INPP5A: variants seen among roughly 807,000 people sequenced by gnomAD.
The protein encoded by INPP5A is inositol polyphosphate-5-phosphatase A, also known as 43 kDa inositol polyphosphate 5-phophatase.
Under a neutral mutation model 65.2 loss-of-function variants are expected in INPP5A, and 14 were observed. The ratio of observed to expected loss-of-function variants is 0.21; its 90% CI spans 0.14 to 0.34. INPP5A has a LOEUF of 0.34. Among genes scored for constraint, INPP5A ranks in the 10% least tolerant of loss-of-function variants. The pLI is 1.00. For missense variants in INPP5A, 431 were observed against 545.6 expected, an observed-to-expected ratio of 0.79 and a Z score of 2.09; for synonymous variants, 207 against 208.3, an observed-to-expected ratio of 0.99 and a Z score of 0.05.
At chr10:132,605,865 C>A (rs1249145981) in intron 1 of INPP5A, among the ~76,000 whole-genome samples, 1 of 152,328 alleles carries the variant, frequency 6.6e-6, no homozygotes, top group Non-Finnish European at 1.5e-5. Flanking sequence ...TATTTCACAG[C>A]CTTTGAGTGC....
At position 132,603,310 on chromosome 10, in the gene INPP5A, A is replaced by G. The variant is rs1238991274; in HGVS notation, c.76-4605A>G. The stretch of plus-strand genomic sequence containing the variant: ...TAGTACTTCTCACTAAAATGGAATC[A>G]TTTTATAAGGTCTGTTTCTCCCTTC... On this transcript the variant is annotated intron_variant, in intron 1 of 15. Transcript: ENST00000368594. The surrounding 1 kb of genome is among the most constrained non-coding windows in gnomAD (Gnocchi z 4.2). 6.6e-6 allele frequency among the ~76,000 whole-genome samples: 1 copy of G among 152,184 alleles called. No homozygotes were observed. The highest frequency in any genetic ancestry group is 2.4e-5 in the African/African-American group (1 of 41,438).
intron 4 of INPP5A, among the ~76,000 whole-genome samples, chr10:132,690,190 C>T (rs1379968393): frequency 6.6e-6 from 1 of 152,260 alleles, no homozygotes; most frequent in Non-Finnish European, 1.5e-5. Context: ...CACGGCTCAC[C>T]GCATGCCTGG....
chr10:132,667,012 A>T lies in INPP5A; in HGVS notation c.306+16507A>T, dbSNP rs1043148386. On this transcript the variant is annotated intron_variant, in intron 4 of 15. Transcript: ENST00000368594. ...ACCCCCTCTGCCACCTGGGACAAAAAAATGGCAGGGTCCTGCTGGATGCCG... is the reference window on the plus strand; with the variant it reads ...ACCCCCTCTGCCACCTGGGACAAAATAATGGCAGGGTCCTGCTGGATGCCG... 5.3e-5 allele frequency among the ~76,000 whole-genome samples: 8 copies of T among 152,352 alleles called. No homozygotes were observed. In the East Asian group the frequency reaches 1.5e-3, roughly 29 times the overall value.
chr10:132,724,029 G>A (rs1056310044), intron 8 of INPP5A, among the ~76,000 whole-genome samples: 2 of 152,188 alleles, frequency 1.3e-5, no homozygotes, highest in Admixed American at 1.3e-4. Flanking sequence ...CAAGACTTTC[G>A]TGGGCTTTGC....
chr10:132,557,365 G>A lies in INPP5A; in HGVS notation c.75+19194G>A, dbSNP rs147506342. ...GCAGCAGTGCCCTCCTGCAGCACGC[G>A]GGCACCTGGCCTGTGCCACACCTGC... is the stretch of plus-strand genomic sequence containing the variant. On this transcript the variant is annotated intron_variant, in intron 1 of 15. Coordinates refer to ENST00000368594, the MANE Select transcript of INPP5A (RefSeq NM_005539.5). Among the ~76,000 whole-genome samples, 1,425 of 152,354 alleles carry A rather than the reference G, an allele frequency of 9.4e-3. 14 individuals are homozygous for A. Among genetic ancestry groups the A allele is most frequent in the East Asian group, 0.033 (171 of 5,172 alleles).
At chr10:132,624,535 T>C (rs1379799172) in intron 2 of INPP5A, among the ~76,000 whole-genome samples, 1 of 152,040 alleles carries the variant, frequency 6.6e-6, no homozygotes, top group Non-Finnish European at 1.5e-5. Context: ...TGTCTGCACT[T>C]CCCACTGGCG....
chr10:132,726,742 C>T (rs1845992047), intron 8 of INPP5A, 79 bp from the exon 9 acceptor site: 7 of 941,082 alleles, frequency 7.4e-6, no homozygotes, highest in Admixed American at 2.0e-5. Context: ...GGATGGGGAG[C>T]GTGGAGGAGC....
chr10:132,580,731 C>T (rs1050764737), intron 1 of INPP5A, among the ~76,000 whole-genome samples: 1 of 152,218 alleles, frequency 6.6e-6, no homozygotes, highest in Non-Finnish European at 1.5e-5. Context: ...CACTTAGATT[C>T]TATCATTAAT....
intron 1 of INPP5A, among the ~76,000 whole-genome samples, chr10:132,592,018 G>A (rs115174481): frequency 1.1e-3 from 175 of 152,296 alleles, no homozygotes; most frequent in African/African-American, 3.8e-3. Flanking sequence ...GGTATTCAGC[G>A]TTGTTGCTAT....
chr10:132,566,279 C>G (rs2071274003), intron 1 of INPP5A, among the ~76,000 whole-genome samples: 1 of 152,204 alleles, frequency 6.6e-6, no homozygotes, highest in South Asian at 2.1e-4. Flanking sequence ...GTCAAAGTTG[C>G]TGTCCCAAAA....
chr10:132,663,650 T>A lies in INPP5A; in HGVS notation c.306+13145T>A, dbSNP rs2072765220. Among the ~76,000 whole-genome samples, 1 of 152,260 alleles carries A rather than the reference T, an allele frequency of 6.6e-6. No homozygotes were observed. Among genetic ancestry groups the A allele is most frequent in the Admixed American group, 6.5e-5 (1 of 15,284 alleles). The stretch of plus-strand genomic sequence containing the variant: ...ACTCTGAGCCGGCAGGTGCCACTTC[T>A]AGCTTCTGGCTGGGGTTGGTTTGCA... On this transcript the variant is annotated intron_variant, in intron 4 of 15. Coordinates refer to ENST00000368594, the MANE Select transcript of INPP5A (RefSeq NM_005539.5). This position sits in a 1 kb window ranked among gnomAD's most constrained non-coding sequence, Gnocchi z 4.5.
chr10:132,701,661 G>T (rs1205533835), intron 6 of INPP5A, among the ~76,000 whole-genome samples: 1 of 152,194 alleles, frequency 6.6e-6, no homozygotes, highest in African/African-American at 2.4e-5. Flanking sequence ...CCTCAGGCTG[G>T]GGTGCTCAGG....
At chr10:132,666,989 C>T (rs531064629) in intron 4 of INPP5A, among the ~76,000 whole-genome samples, 1 of 152,142 alleles carries the variant, frequency 6.6e-6, no homozygotes, top group African/African-American at 2.4e-5. Context: ...CACCCCCAAC[C>T]CCCTCTGCCA....
intron 1 of INPP5A, among the ~76,000 whole-genome samples, chr10:132,542,453 C>T (rs1274723469): frequency 3.9e-5 from 6 of 152,204 alleles, no homozygotes; most frequent in South Asian, 4.1e-4. Flanking sequence ...ATCAGCATTG[C>T]CTTCTTTGCC....
intron 12 of INPP5A, among the ~76,000 whole-genome samples, chr10:132,777,138 C>T (rs1032812569): frequency 2.6e-5 from 4 of 152,330 alleles, no homozygotes; most frequent in African/African-American, 9.6e-5. Context: ...GAGTCGGGGA[C>T]AGTCACCCTC....
intron 2 of INPP5A, among the ~76,000 whole-genome samples, chr10:132,635,673 G>A (rs2072339369): frequency 1.3e-5 from 2 of 151,938 alleles, no homozygotes; most frequent in East Asian, 3.9e-4. Context: ...GGGATTACAC[G>A]CATGAGCCAT....
At chr10:132,557,716 G>T (rs2071144869) in intron 1 of INPP5A, among the ~76,000 whole-genome samples, 2 of 152,216 alleles carry the variant, frequency 1.3e-5, no homozygotes, top group South Asian at 4.1e-4. Flanking sequence ...TGGGTTAAAA[G>T]GGGCCCGAGT....
chr10:132,735,199 T>A (rs552707795), intron 9 of INPP5A, among the ~76,000 whole-genome samples: 4 of 152,316 alleles, frequency 2.6e-5, no homozygotes, highest in Admixed American at 2.0e-4. Context: ...GCCACGTTGG[T>A]ACCTGCAGTC....
chr10:132,599,877 G>A (rs749439498), intron 1 of INPP5A, among the ~76,000 whole-genome samples: 5 of 152,248 alleles, frequency 3.3e-5, no homozygotes, highest in Non-Finnish European at 7.3e-5. Flanking sequence ...CACAGCCCGA[G>A]CTGTATGTTG....
Sources: gnomAD v4.1 joint callset for allele counts (sites outside exome capture counted in the v4.1 genomes callset) on GRCh38, gnomAD v4.1.1 for gene constraint, Gnocchi (gnomAD v3.1) non-coding constraint, MANE v1.5 for transcripts, NCBI Gene and HGNC (gene_info 2026-07-23, HGNC 2026-07-21) for gene names.